The following PIK3R6 variants were observed in gnomAD, a reference collection of about 807,000 sequenced individuals.
PIK3R6 encodes phosphoinositide-3-kinase regulatory subunit 6, also known as phosphoinositide 3-kinase regulatory subunit 6.
PIK3R6 carries 91 observed loss-of-function variants against 84.9 expected under a neutral mutation model. That is an observed-to-expected ratio of 1.07 (90% CI 0.90 to 1.28). The LOEUF is 1.28. Ranked by LOEUF, PIK3R6 falls within the 50% of genes most tolerant of loss-of-function variation. The probability of loss-of-function intolerance (pLI) is 0.00; values close to 1 mark genes in which losing one functional copy is unlikely to be tolerated. For missense variants in PIK3R6, 996 were observed against 985.1 expected, an observed-to-expected ratio of 1.01 and a Z score of -0.15; for synonymous variants, 416 against 411.4, an observed-to-expected ratio of 1.01 and a Z score of -0.13.
At chr17:8,814,082 C>T (rs1221556150) in intron 18 of PIK3R6, among the ~76,000 whole-genome samples, 1 of 152,072 alleles carries the variant, frequency 6.6e-6, no homozygotes, top group Non-Finnish European at 1.5e-5. Flanking sequence ...CAAAACTATC[C>T]TAGCAAAGAG....
chr17:8,828,810 C>A lies in PIK3R6; in HGVS notation c.1070G>T (p.Gly357Val). 1.3e-6 allele frequency: 2 copies of A among 1,588,772 alleles called. No individual in the cohort carries two copies. Among genetic ancestry groups the A allele is most frequent in the Non-Finnish European group, 1.7e-6 (2 of 1,165,622 alleles). Residue 357 changes from glycine (G) to valine (V), a missense_variant, in exon 11 of 20, where the codon GGC (glycine) becomes GTC (valine). Transcript: ENST00000619866. ...CCCGGCTCGCTCCATCTCAGGGCTG[C>A]CGGGTGCAGGCAGCTCATCAGCCCC... ...PTGADELPAP[G>V]SPEMERAGLQ...
chr17:8,810,964 G>A (rs2087340585), intron 18 of PIK3R6, among the ~76,000 whole-genome samples: 1 of 148,942 alleles, frequency 6.7e-6, no homozygotes, highest in Non-Finnish European at 1.5e-5. Flanking sequence ...CAGGGACTCT[G>A]CATGGGGGCT....
chr17:8,826,897 CGTCTTTTCCACG>C (rs2151223960), intron 13 of PIK3R6, among the ~76,000 whole-genome samples: 1 of 152,270 alleles, frequency 6.6e-6, no homozygotes, highest in East Asian at 1.9e-4. Flanking sequence ...TATTTTACTT[CGTCTTTTCCACG>C]GTGGTCTGGT....
chr17:8,828,180 T>A lies in PIK3R6; in HGVS notation c.1324A>T (p.Thr442Ser). 6.2e-7 allele frequency: 1 copy of A among 1,613,890 alleles called. No homozygotes were observed. The highest frequency in any genetic ancestry group is 8.5e-7 in the Non-Finnish European group (1 of 1,179,848). The stretch of plus-strand genomic sequence containing the variant: ...CTGGGAGTGAGGCAGAACTTCTGGG[T>A]CTCCCGTTTCCTAGCAATGGGCAGC... ...QAYHRLRKRE[T>S]QKFCLTPRLS... The change falls in exon 12 of 20, where the codon ACC (threonine) becomes TCC (serine). Residue 442 changes from threonine to serine, a missense_variant. Physicochemically the swap from Thr to Ser is moderately conservative, Grantham distance 58. Coordinates refer to ENST00000619866, the MANE Select transcript of PIK3R6 (RefSeq NM_001010855.4).
At chr17:8,811,024 G>C (rs145722141) in intron 18 of PIK3R6, among the ~76,000 whole-genome samples, 1 of 148,862 alleles carries the variant, frequency 6.7e-6, no homozygotes, top group African/African-American at 2.5e-5. Flanking sequence ...TTTTCTATGA[G>C]GGCCTTGCCC....
chr17:8,807,898 G>C (rs2087248756), intron 18 of PIK3R6, among the ~76,000 whole-genome samples: 1 of 152,008 alleles, frequency 6.6e-6, no homozygotes, highest in Non-Finnish European at 1.5e-5. Context: ...GATAGATGAA[G>C]GTCAGACTTG....
At chr17:8,807,342 A>C (rs969497261) in intron 18 of PIK3R6, among the ~76,000 whole-genome samples, 1 of 152,216 alleles carries the variant, frequency 6.6e-6, no homozygotes, top group Non-Finnish European at 1.5e-5. Context: ...CACACCAGCT[A>C]AGATGAGGAT....
At chr17:8,837,763 C>T in intron 5 of PIK3R6, 40 bp downstream of exon 5, 2 of 1,545,152 alleles carry the variant, frequency 1.3e-6, no homozygotes, top group East Asian at 4.5e-5. Context: ...CAGCCACATG[C>T]AGGTCACCAC....
At position 8,836,778 on chromosome 17, in the gene PIK3R6, C is replaced by G; in HGVS notation, c.391+13G>C. ...GTGCAGCGTGGGAGACAAAGATGCC[C>G]AGTGACTCTTACCTGGGACAGCCAT... On this transcript the variant is annotated intron_variant, in intron 6 of 19. Coordinates refer to ENST00000619866, the MANE Select transcript of PIK3R6 (RefSeq NM_001010855.4). 6.2e-7 allele frequency: 1 copy of G among 1,610,766 alleles called. No individual in the cohort carries two copies. Among genetic ancestry groups the G allele is most frequent in the Non-Finnish European group, 8.5e-7 (1 of 1,178,460 alleles).
chr17:8,835,190 G>A, intron 8 of PIK3R6, 83 bp downstream of exon 8: 1 of 1,292,786 alleles, frequency 7.7e-7, no homozygotes, highest in Non-Finnish European at 1.0e-6. Context: ...ACAGGAGAAG[G>A]AGGAAGAGCA....
Position 8,838,589 on chromosome 17 carries a change from C to A in PIK3R6, c.164G>T (p.Arg55Leu), listed in dbSNP as rs574711552. Residue 55 changes from arginine (R) to leucine (L), a missense_variant, in exon 4 of 20, where the codon CGC (arginine) becomes CTC (leucine). By Grantham distance (102) the Arg-to-Leu change is moderately radical. Coordinates refer to ENST00000619866, the MANE Select transcript of PIK3R6 (RefSeq NM_001010855.4). ...RDPGKSPVLV[R>L]ILLRELEKAE... ...CTTCTCCAGTTCTCTGAGAAGAATG[C>A]GGACCAGCACTGGGCTCTTACCGGG... 56 of 1,604,210 alleles carry A rather than the reference C, an allele frequency of 3.5e-5. 3 individuals carry two copies. In the Middle Eastern group the frequency reaches 4.9e-4, roughly 14 times the overall value.
rs2088593661 is a variant in PIK3R6 at position 8,839,235 on chromosome 17, C to T, written c.97+379G>A. Among the ~76,000 whole-genome samples, 1 of 152,072 alleles carries T rather than the reference C, an allele frequency of 6.6e-6. No homozygotes were observed. Among genetic ancestry groups the T allele is most frequent in the Non-Finnish European group, 1.5e-5 (1 of 68,030 alleles). On this transcript the variant is annotated intron_variant, in intron 3 of 19. Transcript: ENST00000619866. The surrounding 1 kb of genome is among the most constrained non-coding windows in gnomAD (Gnocchi z 4.2). ...TGGTGGCACACGCCTGTAATCTCAGCTACTTGGGAGGCTGAGGCAGGAGGA... is the reference window on the plus strand; with the variant it reads ...TGGTGGCACACGCCTGTAATCTCAGTTACTTGGGAGGCTGAGGCAGGAGGA...
intron 10 of PIK3R6, among the ~76,000 whole-genome samples, chr17:8,829,306 T>A (rs906150037): frequency 9.9e-5 from 11 of 111,662 alleles, no homozygotes; most frequent in Admixed American, 2.8e-4. Flanking sequence ...ACACACACAC[T>A]GACACACGCA....
intron 2 of PIK3R6, among the ~76,000 whole-genome samples, chr17:8,845,273 A>C (rs2088789905): frequency 6.6e-6 from 1 of 152,338 alleles, no homozygotes; most frequent in South Asian, 2.1e-4. Context: ...TGGCTGAACT[A>C]GTTTACATTC....
At chr17:8,831,145 CAAAAA>C (rs35954175) in intron 9 of PIK3R6, among the ~76,000 whole-genome samples, 2 of 42,020 alleles carry the variant, frequency 4.8e-5, no homozygotes, top group African/African-American at 2.1e-4. Context: ...GATTGTGTCT[CAAAAA>C]AAAAAAAAAA....
intron 1 of PIK3R6, among the ~76,000 whole-genome samples, chr17:8,852,721 A>G (rs974990771): frequency 1.6e-4 from 24 of 148,346 alleles, no homozygotes; most frequent in African/African-American, 5.4e-4. Flanking sequence ...CCTGGGTGAC[A>G]GAGGGAGACT....
chr17:8,832,508 GAGTAGCTGGGACTGCAGGTGCCCACCACC>G (rs2088279838), intron 9 of PIK3R6, among the ~76,000 whole-genome samples: 1 of 147,914 alleles, frequency 6.8e-6, no homozygotes, highest in South Asian at 2.1e-4. Context: ...TCAGCATCCC[GAGTAGCTGGGACTGCAGGTGCCCACCACC>G]ACGCCCAGCT....
chr17:8,856,000 A>T (rs144871369), intron 1 of PIK3R6, among the ~76,000 whole-genome samples: 5 of 152,228 alleles, frequency 3.3e-5, no homozygotes, highest in Admixed American at 2.0e-4. Flanking sequence ...CGGCATTAAA[A>T]AGAGAACTAC....
intron 1 of PIK3R6, among the ~76,000 whole-genome samples, chr17:8,864,483 A>G (rs1199900881): frequency 6.8e-6 from 1 of 146,060 alleles, no homozygotes; most frequent in Admixed American, 6.8e-5. Context: ...AAGTTAACTT[A>G]TAACTAACAG....
Sources: allele counts gnomAD v4.1 joint callset (sites outside exome capture counted in the v4.1 genomes callset), GRCh38; gene constraint gnomAD v4.1.1; non-coding constraint Gnocchi (gnomAD v3.1); transcripts MANE v1.5; gene names NCBI Gene and HGNC (gene_info 2026-07-23, HGNC 2026-07-21).